Variants in AKAP12 observed in about 807,000 individuals in gnomAD.
The protein encoded by AKAP12 is A-kinase anchoring protein 12.
In AKAP12, 32 loss-of-function variants were observed where a neutral mutation model predicts 79.9. That is an observed-to-expected ratio of 0.40 (90% confidence interval 0.30 to 0.54). AKAP12 has a LOEUF of 0.54. AKAP12 is among the 20% of genes least tolerant of loss of function. AKAP12 has a pLI of 0.48. For synonymous variants in AKAP12, 808 were observed against 857.0 expected, an observed-to-expected ratio of 0.94 and a Z score of 1.00; for missense variants, 2,074 against 2,177.0, an observed-to-expected ratio of 0.95 and a Z score of 0.94.
intron 3 of AKAP12, among the ~76,000 whole-genome samples, chr6:151,339,103 C>T: frequency 6.6e-6 from 1 of 152,210 alleles, no homozygotes; most frequent in South Asian, 2.1e-4. Context: ...GCCTTTCACA[C>T]TGAAATAGAA....
intron 2 of AKAP12, among the ~76,000 whole-genome samples, chr6:151,249,798 T>C (rs963389626): frequency 2.6e-5 from 4 of 152,238 alleles, no homozygotes; most frequent in Non-Finnish European, 5.9e-5. Context: ...ACTGAAAGCA[T>C]TGTGGGAGTG....
At chr6:151,311,481 G>A (rs1159500326) in intron 3 of AKAP12, among the ~76,000 whole-genome samples, 3 of 152,148 alleles carry the variant, frequency 2.0e-5, no homozygotes, top group Non-Finnish European at 2.9e-5. Context: ...TGTGCACGTG[G>A]ACCGCCACTG....
Position 151,305,852 on chromosome 6 carries a change from G to A in AKAP12, c.268G>A (p.Gly90Ser), listed in dbSNP as rs145291472. 73 of 1,613,632 alleles carry A rather than the reference G, an allele frequency of 4.5e-5. 1 individual carries two copies. The highest frequency in any genetic ancestry group is 1.6e-4 in the Middle Eastern group (1 of 6,084). ...AAATGGCCAGAAAGGAGCCCTGAAC[G>A]GTCAAGGAGCCCTAAACAGCCAGGA... ...DLNGQKGALNGQGALNSQEEE... is the reference protein window; with the variant it reads ...DLNGQKGALNSQGALNSQEEE... The change falls in exon 3 of 5, where the codon GGT becomes AGT. Residue 90 changes from glycine (G) to serine (S), a missense_variant. Gly to Ser is a moderately conservative substitution (Grantham distance 56). Transcript: ENST00000402676.
At chr6:151,288,604 G>A (rs1776553834) in intron 2 of AKAP12, among the ~76,000 whole-genome samples, 1 of 152,198 alleles carries the variant, frequency 6.6e-6, no homozygotes. Flanking sequence ...TAGAGTTATA[G>A]TGAAGGATTA....
At chr6:151,345,932 T>TGA (rs56202215) in intron 3 of AKAP12, among the ~76,000 whole-genome samples, 558 of 101,382 alleles carry the variant, frequency 5.5e-3, no homozygotes, top group East Asian at 0.018. Context: ...TGTGTGTGTG[T>TGA]GAGAGAGAGA....
Position 151,285,544 on chromosome 6 carries a change from G to A in AKAP12, c.163-20203G>A, listed in dbSNP as rs370518644. ...AAGTTTGAGACAATTGAGTATTATA[G>A]CAAAGTCCTTTCTTGCGGTGACTTC... On this transcript the variant is annotated intron_variant, in intron 2 of 4. Coordinates refer to ENST00000402676, the MANE Select transcript of AKAP12 (RefSeq NM_005100.4). 2.0e-3 allele frequency among the ~76,000 whole-genome samples: 298 copies of A among 152,068 alleles called. 2 individuals carry two copies. The highest frequency in any genetic ancestry group is 0.012 in the South Asian group (59 of 4,820).
At chr6:151,327,910 A>G (rs1401609990) in intron 3 of AKAP12, among the ~76,000 whole-genome samples, 1 of 152,252 alleles carries the variant, frequency 6.6e-6, no homozygotes, top group Admixed American at 6.5e-5. Context: ...GAAAAAGTAA[A>G]AATGAAAGGG....
Position 151,353,698 on chromosome 6 carries a change from A to G in AKAP12, c.5307A>G (p.Lys1769=), listed in dbSNP as rs1778364084. The G allele has an allele frequency of 6.2e-7, 1 of 1,606,696 alleles. No individual in the cohort carries two copies. The highest frequency in any genetic ancestry group is 8.5e-7 in the Non-Finnish European group (1 of 1,177,456). Reference sequence around the variant, plus strand: ...CCCAAGCACAGGAGGAGTTACAGAAACAAGAGAGAGAATCTGCAAAGTCAG... The same window carrying G: ...CCCAAGCACAGGAGGAGTTACAGAAGCAAGAGAGAGAATCTGCAAAGTCAG... ...ITPQAQEELQ[K]QERESAKSEL... The change falls in exon 4 of 5, where the codon AAA becomes AAG. Residue 1769 remains lysine, a synonymous_variant. Transcript: ENST00000402676.
Position 151,240,581 on chromosome 6 carries a change from ACCGAGCAGCGCAGCC to A in AKAP12, c.21_35del (p.Arg10_Gln14del). On this transcript the variant is annotated inframe_deletion, in exon 2 of 5. Coordinates refer to ENST00000402676, the MANE Select transcript of AKAP12 (RefSeq NM_005100.4). ...AGGAGCCATGGGCGCCGGGAGCTCCACCGAGCAGCGCAGCCCGGAGCAGCCGCCCGAGGGGAGCTC... is the reference window on the plus strand; with the variant it reads ...AGGAGCCATGGGCGCCGGGAGCTCCACGGAGCAGCCGCCCGAGGGGAGCTC... 1 of 1,445,616 alleles carries A rather than the reference ACCGAGCAGCGCAGCC, an allele frequency of 6.9e-7. No homozygotes were observed. Among genetic ancestry groups the A allele is most frequent in the African/African-American group, 1.5e-5 (1 of 67,238 alleles). 89.5% of individuals were successfully genotyped at this position (1,445,616 alleles called of 1,614,324 possible). A position where few individuals can be genotyped will look rare whatever the true frequency, so the allele number is the denominator to read the frequency against.
At chr6:151,307,775 T>C (rs1448376915) in intron 3 of AKAP12, among the ~76,000 whole-genome samples, 1 of 152,118 alleles carries the variant, frequency 6.6e-6, no homozygotes, top group African/African-American at 2.4e-5. Context: ...TATTCCATCG[T>C]CTCCCTGAGG....
chr6:151,282,285 T>G (rs1776425774), intron 2 of AKAP12, among the ~76,000 whole-genome samples: 1 of 151,954 alleles, frequency 6.6e-6, no homozygotes, highest in Non-Finnish European at 1.5e-5. Context: ...AATTTTTGTA[T>G]TTTTAGTAGA....
chr6:151,349,660 C>A lies in AKAP12; in HGVS notation c.1269C>A (p.Thr423=), dbSNP rs3734798. ...TTGTGGCCGAAGTCCACGTCAGCACCGTGGAGGAGAGAACCGAAGAGCAGA... is the reference window on the plus strand; with the variant it reads ...TTGTGGCCGAAGTCCACGTCAGCACAGTGGAGGAGAGAACCGAAGAGCAGA... The part of the protein sequence containing the change: ...EEVVAEVHVS[T]VEERTEEQKT... The change falls in exon 4 of 5, where the codon ACC becomes ACA. Residue 423 remains threonine (T), a synonymous_variant. Transcript: ENST00000402676. 6.2e-6 allele frequency: 10 copies of A among 1,613,784 alleles called. No individual in the cohort carries two copies. In the East Asian group the frequency reaches 8.9e-5, roughly 14 times the overall value.
At chr6:151,275,886 A>C (rs918718511) in intron 2 of AKAP12, among the ~76,000 whole-genome samples, 2 of 152,238 alleles carry the variant, frequency 1.3e-5, no homozygotes, top group African/African-American at 4.8e-5. Context: ...GATGAAATCA[A>C]TTGAATACCT....
chr6:151,325,517 G>A, intron 3 of AKAP12: 1 of 985,300 alleles, frequency 1.0e-6, no homozygotes, highest in Non-Finnish European at 1.2e-6. Flanking sequence ...GGTGAAGCAC[G>A]TGACCCCCTG....
At chr6:151,278,939 T>A (rs999649690) in intron 2 of AKAP12, among the ~76,000 whole-genome samples, 1 of 152,198 alleles carries the variant, frequency 6.6e-6, no homozygotes, top group Non-Finnish European at 1.5e-5. Context: ...AGTGCTGGGA[T>A]TACAGGCATG....
In AKAP12 at chr6:151,350,744, G is replaced by A; in HGVS notation, c.2353G>A (p.Ala785Thr). The change falls in exon 4 of 5, where the codon GCT becomes ACT. Residue 785 changes from alanine (A) to threonine (T), a missense_variant. Physicochemically the swap from Ala to Thr is moderately conservative, Grantham distance 58 (BLOSUM62 0). Transcript: ENST00000402676. This position sits in a 1 kb window ranked among gnomAD's most constrained non-coding sequence, Gnocchi z 4.8. Reference sequence around the variant, plus strand: ...GGAAGAGAAAAGCGAAGACTCCATAGCTGGGTCTGGTGTAGAACATTCCAC... The same window carrying A: ...GGAAGAGAAAAGCGAAGACTCCATAACTGGGTCTGGTGTAGAACATTCCAC... ...KLEEKSEDSI[A>T]GSGVEHSTPD... The A allele has an allele frequency of 1.2e-6, 2 of 1,614,108 alleles. No homozygotes were observed.
intron 2 of AKAP12, among the ~76,000 whole-genome samples, chr6:151,263,297 AATGCTGGG>A (rs1471468828): frequency 6.6e-6 from 1 of 152,042 alleles, no homozygotes; most frequent in Non-Finnish European, 1.5e-5. Flanking sequence ...GGCCTCCCAA[AATGCTGGG>A]ATTACAGGCA....
chr6:151,333,164 A>G (rs2114796727), intron 3 of AKAP12, among the ~76,000 whole-genome samples: 1 of 152,238 alleles, frequency 6.6e-6, no homozygotes, highest in African/African-American at 2.4e-5. Flanking sequence ...AAGCGCCCTA[A>G]CGGAAAGCTG....
At chr6:151,318,210 A>G (rs888784865) in intron 3 of AKAP12, among the ~76,000 whole-genome samples, 51 of 152,312 alleles carry the variant, frequency 3.3e-4, no homozygotes, top group African/African-American at 1.2e-3. Flanking sequence ...AGAAGAATCC[A>G]GGACTACCAG....
Sources: gnomAD v4.1 joint callset for allele counts (sites outside exome capture counted in the v4.1 genomes callset) on GRCh38, gnomAD v4.1.1 for gene constraint, Gnocchi (gnomAD v3.1) non-coding constraint, MANE v1.5 for transcripts, NCBI Gene and HGNC (gene_info 2026-07-23, HGNC 2026-07-21) for gene names.